The following DEAF1 variants were observed in gnomAD, a reference collection of about 807,000 sequenced individuals.
DEAF1 encodes the protein DEAF1 transcription factor, also known as deformed epidermal autoregulatory factor 1 homolog.
Under a neutral mutation model 58.9 loss-of-function variants are expected in DEAF1, and 53 were observed. The ratio of observed to expected loss-of-function variants is 0.90; its 90% CI spans 0.72 to 1.13. DEAF1 has a LOEUF of 1.13. DEAF1 is among the 50% of genes most tolerant of loss of function. The probability of loss-of-function intolerance (pLI) is 0.00; values close to 1 mark genes in which losing one functional copy is unlikely to be tolerated. For missense variants in DEAF1, 685 were observed against 791.4 expected, an observed-to-expected ratio of 0.87 and a Z score of 1.61; for synonymous variants, 385 against 340.4, an observed-to-expected ratio of 1.13 and a Z score of -1.44.
At chr11:698,946 A>G (rs1452679919), upstream of DEAF1, 8 of 1,608,248 alleles carry the variant, frequency 5.0e-6, no homozygotes, top group Non-Finnish European at 6.8e-6. Context: ...GCTGCTGCAC[A>G]GAGAGCACTC....
At chr11:675,603 C>T (rs867752269) in intron 9 of DEAF1, among the ~76,000 whole-genome samples, 5 of 152,124 alleles carry the variant, frequency 3.3e-5, no homozygotes, top group Middle Eastern at 3.4e-3. Flanking sequence ...CGGGCAGATC[C>T]CTTGAGGTCA....
chr11:689,097 AG>A (rs1316853613), intron 2 of DEAF1, among the ~76,000 whole-genome samples: 2 of 152,128 alleles, frequency 1.3e-5, no homozygotes, highest in African/African-American at 4.8e-5. Flanking sequence ...AGAGACTTCC[AG>A]GGGCCTCTCT....
intron 9 of DEAF1, among the ~76,000 whole-genome samples, chr11:677,157 G>A (rs1023256153): frequency 3.3e-5 from 5 of 151,310 alleles, no homozygotes; most frequent in Admixed American, 6.6e-5. Flanking sequence ...ATAGAGATGG[G>A]GTCTCCTTAT....
intron 1 of DEAF1, 90 bp downstream of exon 1, chr11:694,669 G>C (rs1008627510): frequency 8.4e-7 from 1 of 1,197,170 alleles, no homozygotes; most frequent in African/African-American, 1.6e-5. Flanking sequence ...AGGTGTGGCG[G>C]GCTGGTCACC....
rs770690053 is a variant in DEAF1 at position 703,062 on chromosome 11, C to T, written c.-438+3510G>A. 9 of 1,612,624 alleles carry T rather than the reference C, an allele frequency of 5.6e-6. No homozygotes were observed. The highest frequency in any genetic ancestry group is 1.6e-4 in the Middle Eastern group (1 of 6,076). The stretch of plus-strand genomic sequence containing the variant: ...CTTTGGCAGGCCCTAGTGTTGTGGG[C>T]GGACTGGGCCCTCAGCGCCACGCTC... On this transcript the variant is annotated intron_variant, in intron 1 of 11. Coordinates refer to the DEAF1 transcript ENST00000683307.
At chr11:700,368 A>G in intron 1 of DEAF1, 3 of 871,116 alleles carry the variant, frequency 3.4e-6, no homozygotes, top group Admixed American at 2.3e-5. Flanking sequence ...CTCTACTAAA[A>G]ACACAAAAAG....
rs76700409 is a variant in DEAF1, at chr11:644,353, A to C, written c.*197T>G. On this transcript the variant is annotated 3_prime_UTR_variant, in exon 12 of 12. Coordinates refer to ENST00000382409, the MANE Select transcript of DEAF1 (RefSeq NM_021008.4). The surrounding 1 kb of genome is among the most constrained non-coding windows in gnomAD (Gnocchi z 4.3). Reference sequence around the variant, plus strand: ...ATAAAAAATCTGTCCGCGAGCGGGCAGGGGGCCCGGGCAGGGGGAGTGCGC... The same window carrying C: ...ATAAAAAATCTGTCCGCGAGCGGGCCGGGGGCCCGGGCAGGGGGAGTGCGC... The C allele has an allele frequency of 2.2e-3, 1,380 of 631,112 alleles. 17 individuals carry two copies. The East Asian group carries it at 0.034, about 16-fold the overall frequency. The allele number at this position is 631,112 out of a possible 1,614,324, so 39.1% of individuals were successfully genotyped here.
At position 686,985 on chromosome 11, in the gene DEAF1, C is replaced by T. The variant is rs554159675; in HGVS notation, c.677G>A (p.Arg226Gln). 1.9e-6 allele frequency: 3 copies of T among 1,614,140 alleles called. No homozygotes were observed. Among genetic ancestry groups the T allele is most frequent in the South Asian group, 1.1e-5 (1 of 91,076 alleles). Residue 226 changes from arginine to glutamine, a missense_variant, in exon 5 of 12, where the codon CGG becomes CAG. This residue lies in a region of DEAF1 where 132 missense variants were observed against 234.3 expected (regional missense o/e 0.56). Coordinates refer to ENST00000382409, the MANE Select transcript of DEAF1 (RefSeq NM_021008.4). The part of the protein sequence containing the change: ...KNRLGSGGRG[R>Q]CIKQGENWYS... ...CCAGTTCTCCCCCTGCTTGATGCAC[C>T]GTCCCCGGCCGCCTGCAAGGAAGGG...
At chr11:649,295 G>A (rs1858649853) in intron 11 of DEAF1, among the ~76,000 whole-genome samples, 1 of 152,042 alleles carries the variant, frequency 6.6e-6, no homozygotes, top group East Asian at 1.9e-4. Flanking sequence ...GGTGGCGGGT[G>A]CCTGTAATCC....
intron 10 of DEAF1, among the ~76,000 whole-genome samples, chr11:662,602 G>GGTT (rs1859366726): frequency 6.6e-6 from 1 of 152,196 alleles, no homozygotes; most frequent in African/African-American, 2.4e-5. Flanking sequence ...AAGGGACACA[G>GGTT]GTTGAGGCCC....
intron 11 of DEAF1, among the ~76,000 whole-genome samples, chr11:648,403 G>C (rs866727482): frequency 1.3e-5 from 2 of 152,154 alleles, no homozygotes; most frequent in Middle Eastern, 3.4e-3. Flanking sequence ...CACCATGTTA[G>C]CCAGGATGGT....
At chr11:698,753 A>G (rs1370421513), upstream of DEAF1, 3 of 1,262,426 alleles carry the variant, frequency 2.4e-6, no homozygotes, top group East Asian at 4.6e-5. Flanking sequence ...GCTGCTTTCT[A>G]CAAATACGAG....
chr11:649,175 CG>C (rs1296988705), intron 11 of DEAF1, among the ~76,000 whole-genome samples: 2 of 152,102 alleles, frequency 1.3e-5, no homozygotes, highest in African/African-American at 2.4e-5. Flanking sequence ...CGCTTGAACC[CG>C]GGAGGCAGAG....
chr11:702,908 T>G, intron 1 of DEAF1: 1 of 1,554,224 alleles, frequency 6.4e-7, no homozygotes, highest in Non-Finnish European at 8.7e-7. Context: ...AGGGAGCGCC[T>G]CGCACCACCT....
chr11:658,119 C>T (rs1377278479), intron 10 of DEAF1, among the ~76,000 whole-genome samples: 2 of 152,114 alleles, frequency 1.3e-5, no homozygotes, highest in Non-Finnish European at 2.9e-5. Context: ...TCCCGAAATA[C>T]GTTTATTTTT....
At chr11:694,376 A>T in intron 1 of DEAF1, 1 of 159,530 alleles carries the variant, frequency 6.3e-6, no homozygotes, top group East Asian at 2.0e-4. Context: ...CAGGTAGGGC[A>T]GGCCGATCAC....
upstream of DEAF1, among the ~76,000 whole-genome samples, chr11:698,428 T>G (rs930421279): frequency 1.6e-4 from 25 of 152,228 alleles, no homozygotes; most frequent in African/African-American, 6.0e-4. Flanking sequence ...AAAGCAAATG[T>G]CTCATCAATC....
chr11:698,605 G>T (rs1293800091), upstream of DEAF1, among the ~76,000 whole-genome samples: 1 of 152,132 alleles, frequency 6.6e-6, no homozygotes, highest in Non-Finnish European at 1.5e-5. Flanking sequence ...GTCTGGCCCA[G>T]GTTCACTTCC....
chr11:679,157 C>CA (rs932267297), intron 8 of DEAF1, among the ~76,000 whole-genome samples: 30 of 150,398 alleles, frequency 2.0e-4, no homozygotes, highest in African/African-American at 7.3e-4. Context: ...CTAAAAATAC[C>CA]AAAAAAAAAT....
Sources: allele counts gnomAD v4.1 joint callset (sites outside exome capture counted in the v4.1 genomes callset), GRCh38; gene constraint gnomAD v4.1.1; regional missense constraint gnomAD v4.1.1; non-coding constraint Gnocchi (gnomAD v3.1); transcripts MANE v1.5; gene names NCBI Gene and HGNC (gene_info 2026-07-23, HGNC 2026-07-21).